The following MTHFD1L variants were observed in gnomAD, a reference collection of about 807,000 sequenced individuals.
MTHFD1L encodes monofunctional C1-tetrahydrofolate synthase, mitochondrial.
In MTHFD1L, 81 loss-of-function variants were observed where a neutral mutation model predicts 119.5. That is an observed-to-expected ratio of 0.68 (90% confidence interval 0.57 to 0.82). The LOEUF (loss-of-function observed/expected upper bound fraction) is 0.82. Ranked by LOEUF, MTHFD1L falls within the 40% of genes least tolerant of loss-of-function variation. The probability of loss-of-function intolerance (pLI) is 0.00; values close to 1 mark genes in which losing one functional copy is unlikely to be tolerated. For missense variants in MTHFD1L, 1,125 were observed against 1,253.4 expected (o/e 0.90, Z 1.55); for synonymous variants, 430 against 475.2 (o/e 0.90, Z 1.24).
rs115782631 is a variant in MTHFD1L at position 150,972,853 on chromosome 6, A to G, written c.2125+795A>G. Reference sequence around the variant, plus strand: ...TAGAAATGTTAATTGGTAGTACTGCACACCTTTTGCTGCTGTCAAGTTCTT... The same window carrying G: ...TAGAAATGTTAATTGGTAGTACTGCGCACCTTTTGCTGCTGTCAAGTTCTT... On this transcript the variant is annotated intron_variant, in intron 20 of 27. Transcript: ENST00000367321. 4.1e-3 allele frequency among the ~76,000 whole-genome samples: 628 copies of G among 152,292 alleles called. 5 individuals are homozygous for G. Among genetic ancestry groups the G allele is most frequent in the African/African-American group, 0.014 (593 of 41,560 alleles).
At chr6:150,866,802 C>G (rs1381232064) in intron 1 of MTHFD1L, among the ~76,000 whole-genome samples, 1 of 152,194 alleles carries the variant, frequency 6.6e-6, no homozygotes, top group Non-Finnish European at 1.5e-5. Context: ...TTTCCCGTCC[C>G]GGTCCCCGCC....
At chr6:150,922,359 G>C in intron 10 of MTHFD1L, 57 bp downstream of exon 10, 2 of 1,399,416 alleles carry the variant, frequency 1.4e-6, no homozygotes, top group Non-Finnish European at 2.0e-6. Flanking sequence ...CTTAGCCCTA[G>C]TTAGTCATGG....
chr6:151,010,311 G>A (rs565778934), intron 21 of MTHFD1L, among the ~76,000 whole-genome samples: 5 of 152,156 alleles, frequency 3.3e-5, no homozygotes, highest in Admixed American at 6.5e-5. Context: ...TAACCATATG[G>A]TAATGGGAGG....
At chr6:150,981,501 ATG>A (rs1273080221) in intron 20 of MTHFD1L, among the ~76,000 whole-genome samples, 1 of 152,122 alleles carries the variant, frequency 6.6e-6, no homozygotes, top group African/African-American at 2.4e-5. Flanking sequence ...GGTATTTTTT[ATG>A]TGTTTTCAAA....
rs562458833 is a variant in MTHFD1L at position 150,892,862 on chromosome 6, C to T, written c.780+4881C>T. ...TCATTTCCTGAGTAGGAATTCTAGC[C>T]TTCCTTGGAGTCGTGGTAATATGGA... is the stretch of plus-strand genomic sequence containing the variant. On this transcript the variant is annotated intron_variant, in intron 7 of 27. Transcript: ENST00000367321. Among the ~76,000 whole-genome samples the T allele has an allele frequency of 7.0e-4, 106 of 152,284 alleles. 1 individual carries two copies. Among genetic ancestry groups the T allele is most frequent in the African/African-American group, 2.5e-3 (102 of 41,556 alleles).
At chr6:150,887,474 T>C (rs1782510111) in intron 6 of MTHFD1L, among the ~76,000 whole-genome samples, 1 of 152,188 alleles carries the variant, frequency 6.6e-6, no homozygotes, top group South Asian at 2.1e-4. Flanking sequence ...TTTGTTGTTG[T>C]TGAGACATTC....
chr6:150,922,094 G>T, intron 9 of MTHFD1L, 111 bp from the exon 10 acceptor site: 2 of 760,958 alleles, frequency 2.6e-6, no homozygotes, highest in South Asian at 3.6e-5. Context: ...CTTATTGTGC[G>T]ACTCGATAAT....
At chr6:150,887,249 AG>A (rs1782475480) in intron 6 of MTHFD1L, among the ~76,000 whole-genome samples, 1 of 152,232 alleles carries the variant, frequency 6.6e-6, no homozygotes, top group South Asian at 2.1e-4. Flanking sequence ...TGGATTATCA[AG>A]ATGAAGATTC....
At chr6:151,096,731 A>T (rs1489772322) in intron 27 of MTHFD1L, among the ~76,000 whole-genome samples, 1 of 152,216 alleles carries the variant, frequency 6.6e-6, no homozygotes, top group East Asian at 1.9e-4. Flanking sequence ...CCCCCAGGAA[A>T]GTGTTGAAGG....
intron 20 of MTHFD1L, among the ~76,000 whole-genome samples, chr6:150,985,424 C>A (rs1045114894): frequency 2.0e-5 from 3 of 151,796 alleles, no homozygotes; most frequent in African/African-American, 7.3e-5. Context: ...GCCTGTAATC[C>A]CAGCACTTTG....
intron 13 of MTHFD1L, among the ~76,000 whole-genome samples, chr6:150,940,639 G>A (rs1013538456): frequency 2.0e-5 from 3 of 152,220 alleles, no homozygotes; most frequent in Admixed American, 6.5e-5. Context: ...GGAGTGCAAT[G>A]GTGCAATCTC....
At chr6:151,000,490 A>G (rs1157284210) in intron 20 of MTHFD1L, among the ~76,000 whole-genome samples, 6 of 152,238 alleles carry the variant, frequency 3.9e-5, no homozygotes, top group African/African-American at 1.4e-4. Context: ...TGAATAGACA[A>G]ATCCTAAAGA....
intron 26 of MTHFD1L, among the ~76,000 whole-genome samples, chr6:151,088,623 ATTTTT>A (rs71014539): frequency 1.6e-5 from 2 of 128,640 alleles, no homozygotes; most frequent in Non-Finnish European, 3.2e-5. Context: ...CACCCAGCTA[ATTTTT>A]TTTTTTTTTT....
chr6:150,941,588 A>C (rs1793123515), intron 13 of MTHFD1L, among the ~76,000 whole-genome samples: 1 of 152,120 alleles, frequency 6.6e-6, no homozygotes, highest in Non-Finnish European at 1.5e-5. Context: ...AAAGAGGAAA[A>C]AACAGTTTAA....
At chr6:151,061,253 C>T (rs1442002701) in intron 26 of MTHFD1L, among the ~76,000 whole-genome samples, 1 of 152,140 alleles carries the variant, frequency 6.6e-6, no homozygotes, top group Non-Finnish European at 1.5e-5. Flanking sequence ...CAGGGGAGCT[C>T]AGGCGCAAGC....
chr6:151,045,504 C>G (rs1172346414), intron 26 of MTHFD1L, among the ~76,000 whole-genome samples: 1 of 152,236 alleles, frequency 6.6e-6, no homozygotes, highest in Non-Finnish European at 1.5e-5. Context: ...TGGCCCTCGT[C>G]TCTCCAATGC....
chr6:150,983,400 T>A (rs578185024), intron 20 of MTHFD1L, among the ~76,000 whole-genome samples: 1 of 152,190 alleles, frequency 6.6e-6, no homozygotes, highest in Non-Finnish European at 1.5e-5. Flanking sequence ...CCTTAACTCT[T>A]ACAGTTTGTG....
rs142850535 is a variant in MTHFD1L, at chr6:151,019,416, A to C, written c.2586+3723A>C. Among the ~76,000 whole-genome samples, 2 of 152,086 alleles carry C rather than the reference A, an allele frequency of 1.3e-5. 1 individual carries two copies. The highest frequency in any genetic ancestry group is 2.9e-5 in the Non-Finnish European group (2 of 67,994). ...GTCTCAGACATGCACTAACCCTAAC[A>C]TGAACCCTTTTCCTTTCCACTGATA... On this transcript the variant is annotated intron_variant, in intron 24 of 27. Transcript: ENST00000367321.
At chr6:150,950,640 G>A (rs534373602) in intron 16 of MTHFD1L, among the ~76,000 whole-genome samples, 1 of 152,272 alleles carries the variant, frequency 6.6e-6, no homozygotes, top group East Asian at 1.9e-4. Context: ...AAGTCACTGT[G>A]GTGATAGCTG....
Sources: gnomAD v4.1 joint callset for allele counts (sites outside exome capture counted in the v4.1 genomes callset) on GRCh38, gnomAD v4.1.1 for gene constraint, MANE v1.5 for transcripts, NCBI Gene and HGNC (gene_info 2026-07-23, HGNC 2026-07-21) for gene names.